The following KSR1 variants were observed in gnomAD, a reference collection of about 807,000 sequenced individuals.
KSR1 encodes kinase suppressor of ras.
KSR1 carries 35 observed loss-of-function variants against 92.9 expected under a neutral mutation model. The ratio of observed to expected loss-of-function variants is 0.38; its 90% CI spans 0.29 to 0.50. The LOEUF (loss-of-function observed/expected upper bound fraction) is 0.50. Among genes scored for constraint, KSR1 ranks in the 20% least tolerant of loss-of-function variants. KSR1 has a pLI of 0.94. For synonymous variants in KSR1, 467 were observed against 472.6 expected (o/e 0.99, Z 0.15); for missense variants, 972 against 1,158.5 (o/e 0.84, Z 2.34).
At chr17:27,573,430 T>C (rs1182633478) in intron 2 of KSR1, among the ~76,000 whole-genome samples, 3 of 152,202 alleles carry the variant, frequency 2.0e-5, no homozygotes, top group Non-Finnish European at 4.4e-5. Flanking sequence ...TCCTTAGATA[T>C]TTTAAGTTCA....
At chr17:27,592,863 G>A (rs2073215051) in intron 9 of KSR1, among the ~76,000 whole-genome samples, 1 of 152,200 alleles carries the variant, frequency 6.6e-6, no homozygotes, top group Non-Finnish European at 1.5e-5. Flanking sequence ...CTTCCTGTGT[G>A]CTTAGTGTGT....
rs2072545050 is a variant in KSR1 at position 27,577,249 on chromosome 17, T to C, written c.373-243T>C. Among the ~76,000 whole-genome samples the C allele has an allele frequency of 6.6e-6, 1 of 152,016 alleles. No homozygotes were observed. Among genetic ancestry groups the C allele is most frequent in the South Asian group, 2.1e-4 (1 of 4,802 alleles). On this transcript the variant is annotated intron_variant, in intron 2 of 20. Coordinates refer to ENST00000644974, the MANE Select transcript of KSR1 (RefSeq NM_001394583.1). This position sits in a 1 kb window ranked among gnomAD's most constrained non-coding sequence, Gnocchi z 4.5. Reference sequence around the variant, plus strand: ...GGGCAACATGCCCTCGTCCAAACCTTTCTGGTCTTTACTTCCTCCCCTCAC... The same window carrying C: ...GGGCAACATGCCCTCGTCCAAACCTCTCTGGTCTTTACTTCCTCCCCTCAC...
intron 9 of KSR1, among the ~76,000 whole-genome samples, chr17:27,596,713 T>A (rs1053790734): frequency 5.9e-5 from 9 of 152,234 alleles, no homozygotes; most frequent in Non-Finnish European, 7.3e-5. Flanking sequence ...AAAAGGACTG[T>A]ACACCTCTCG....
chr17:27,578,909 G>A (rs975490914), intron 3 of KSR1: 17 of 151,994 alleles, frequency 1.1e-4, no homozygotes, highest in African/African-American at 4.1e-4. Context: ...TTGTAGCTGA[G>A]GCCTCTCTGA....
chr17:27,551,505 A>G (rs535774233), intron 2 of KSR1, among the ~76,000 whole-genome samples: 1 of 152,292 alleles, frequency 6.6e-6, no homozygotes, highest in South Asian at 2.1e-4. Flanking sequence ...ACAGAGAAGG[A>G]AAGAAATCAC....
chr17:27,537,728 G>T (rs151045754), intron 1 of KSR1, among the ~76,000 whole-genome samples: 1 of 152,034 alleles, frequency 6.6e-6, no homozygotes, highest in African/African-American at 2.4e-5. Context: ...AATACCTATC[G>T]GGATTCATGT....
In KSR1 at chr17:27,559,896, G is replaced by A. The variant is rs1054019799; in HGVS notation, c.372+9188G>A. On this transcript the variant is annotated intron_variant, in intron 2 of 20. Coordinates refer to ENST00000644974, the MANE Select transcript of KSR1 (RefSeq NM_001394583.1). This position sits in a 1 kb window ranked among gnomAD's most constrained non-coding sequence, Gnocchi z 4.2. ...ATTCCTGCAGCTCTCCCTGTGTGCA[G>A]TGTAGGGGTTGGGGCTCCTCTTAGG... 6.6e-6 allele frequency among the ~76,000 whole-genome samples: 1 copy of A among 152,256 alleles called. No individual in the cohort carries two copies. The highest frequency in any genetic ancestry group is 1.5e-5 in the Non-Finnish European group (1 of 68,048).
chr17:27,533,893 C>A (rs1311899126), intron 1 of KSR1, among the ~76,000 whole-genome samples: 1 of 152,214 alleles, frequency 6.6e-6, no homozygotes, highest in Non-Finnish European at 1.5e-5. Flanking sequence ...CATACCGCCT[C>A]TCTTTATTTT....
At chr17:27,566,675 C>G in intron 2 of KSR1, 3 of 397,716 alleles carry the variant, frequency 7.5e-6, no homozygotes, top group Non-Finnish European at 1.3e-5. Flanking sequence ...GGCTGTAGAA[C>G]ACGTGTGGAG....
chr17:27,608,468 A>G (rs1380587666), intron 15 of KSR1, among the ~76,000 whole-genome samples: 1 of 152,152 alleles, frequency 6.6e-6, no homozygotes, highest in Non-Finnish European at 1.5e-5. Flanking sequence ...TTGACCTTGG[A>G]TGAGATCATG....
intron 1 of KSR1, among the ~76,000 whole-genome samples, chr17:27,470,974 G>A (rs1297167128): frequency 6.6e-6 from 1 of 151,748 alleles, no homozygotes; most frequent in African/African-American, 2.4e-5. Context: ...GGGTTCAAGC[G>A]ATTCTTGTGC....
intron 1 of KSR1, among the ~76,000 whole-genome samples, chr17:27,475,500 C>T (rs939551220): frequency 6.6e-6 from 1 of 152,312 alleles, no homozygotes; most frequent in East Asian, 1.9e-4. Flanking sequence ...GGCTCTGCCA[C>T]TCACTGAGGG....
chr17:27,558,246 G>T (rs991205226), intron 2 of KSR1: 2 of 149,562 alleles, frequency 1.3e-5, no homozygotes, highest in Non-Finnish European at 3.0e-5. Flanking sequence ...AAAATGACGT[G>T]CAAATTTACT....
At chr17:27,522,005 T>C (rs2070054814) in intron 1 of KSR1, among the ~76,000 whole-genome samples, 1 of 152,248 alleles carries the variant, frequency 6.6e-6, no homozygotes, top group South Asian at 2.1e-4. Flanking sequence ...CAAGTATTTA[T>C]TTTCTAGGCC....
In KSR1 at chr17:27,609,067, T is replaced by C. The variant is rs563759955; in HGVS notation, c.2092-129T>C. The C allele has an allele frequency of 2.1e-4, 232 of 1,119,480 alleles. 1 individual carries two copies. Among genetic ancestry groups the C allele is most frequent in the Non-Finnish European group, 3.9e-5 (31 of 802,666 alleles). The allele number at this position is 1,119,480 out of a possible 1,614,324, so 69.3% of individuals were successfully genotyped here. ...CTCTCTGAACCTCGATTTCTTCTTCTGTAAAATGGGGACAATATACTGCAT... is the reference window on the plus strand; with the variant it reads ...CTCTCTGAACCTCGATTTCTTCTTCCGTAAAATGGGGACAATATACTGCAT... On this transcript the variant is annotated intron_variant, in intron 15 of 20. Coordinates refer to ENST00000644974, the MANE Select transcript of KSR1 (RefSeq NM_001394583.1).
At chr17:27,500,402 A>G (rs570216724) in intron 1 of KSR1, among the ~76,000 whole-genome samples, 2 of 152,238 alleles carry the variant, frequency 1.3e-5, no homozygotes, top group South Asian at 4.1e-4. Context: ...TGATGGTATG[A>G]AAAGACAGGT....
chr17:27,549,953 T>C (rs2071332080), intron 1 of KSR1, among the ~76,000 whole-genome samples: 1 of 152,174 alleles, frequency 6.6e-6, no homozygotes, highest in South Asian at 2.1e-4. Context: ...GCTGGAAGCA[T>C]CCTAGGTGGG....
chr17:27,487,794 G>A (rs567957904), intron 1 of KSR1, among the ~76,000 whole-genome samples: 12 of 152,258 alleles, frequency 7.9e-5, no homozygotes, highest in African/African-American at 2.4e-4. Flanking sequence ...GGGAGCAGGT[G>A]TGTCATGTGT....
chr17:27,585,940 CCT>C, intron 5 of KSR1: 1 of 465,944 alleles, frequency 2.1e-6, no homozygotes, highest in Non-Finnish European at 3.9e-6. Context: ...CCTGTCTCCA[CCT>C]TGCCCTTCCC....
Sources: allele counts gnomAD v4.1 joint callset (sites outside exome capture counted in the v4.1 genomes callset), GRCh38; gene constraint gnomAD v4.1.1; non-coding constraint Gnocchi (gnomAD v3.1); transcripts MANE v1.5; gene names NCBI Gene and HGNC (gene_info 2026-07-23, HGNC 2026-07-21).